The following PCDHA2 variants were observed in gnomAD, a reference collection of about 807,000 sequenced individuals.
The protein encoded by PCDHA2 is protocadherin alpha 2.
Under a neutral mutation model 66.0 loss-of-function variants are expected in PCDHA2, and 58 were observed. The observed-to-expected ratio is 0.88, with a 90% CI of 0.71 to 1.09. The LOEUF is 1.09. PCDHA2 is among the 50% of genes least tolerant of loss of function. The pLI is 0.00. For missense variants in PCDHA2, 1,267 were observed against 1,242.3 expected (o/e 1.02, Z -0.30); for synonymous variants, 634 against 554.0 (o/e 1.14, Z -2.03).
chr5:140,866,893 A>G (rs961620387), intron 1 of PCDHA2: 1 of 152,138 alleles, frequency 6.6e-6, no homozygotes, highest in Admixed American at 6.5e-5. Context: ...ATACCCAGAT[A>G]TTAGGCTGAT....
chr5:140,988,152 C>G (rs2153871090), intron 3 of PCDHA2, among the ~76,000 whole-genome samples: 1 of 152,258 alleles, frequency 6.6e-6, no homozygotes, highest in East Asian at 1.9e-4. Flanking sequence ...ACCTCAACTT[C>G]TGCCGTTGTC....
intron 1 of PCDHA2, among the ~76,000 whole-genome samples, chr5:140,846,515 C>T (rs2150391789): frequency 6.8e-6 from 1 of 147,842 alleles, no homozygotes; most frequent in Non-Finnish European, 1.5e-5. Flanking sequence ...GCTGGGATTA[C>T]AGGTGCATGC....
intron 1 of PCDHA2, chr5:140,969,250 C>T (rs1554231631): frequency 6.2e-7 from 1 of 1,614,216 alleles, no homozygotes; most frequent in Admixed American, 1.7e-5. Flanking sequence ...CAGTGACTGA[C>T]AGCAGGAATC....
Position 140,802,932 on chromosome 5 carries a change from G to A in PCDHA2, c.2388+5580G>A, listed in dbSNP as rs1554122453. On this transcript the variant is annotated intron_variant, in intron 1 of 3. Coordinates refer to ENST00000526136, the MANE Select transcript of PCDHA2 (RefSeq NM_018905.3). The stretch of plus-strand genomic sequence containing the variant: ...GGGTGGCATCGGTGGCGCAGTGAGC[G>A]AGCTGGTGCCGCGGTCAGTGGGTGC... 2 of 1,613,830 alleles carry A rather than the reference G, an allele frequency of 1.2e-6. No homozygotes were observed. The highest frequency in any genetic ancestry group is 1.7e-6 in the Non-Finnish European group (2 of 1,179,890).
intron 1 of PCDHA2, chr5:140,824,611 T>TG (rs1768217259): frequency 5.0e-5 from 1 of 19,836 alleles, no homozygotes; most frequent in Non-Finnish European, 1.2e-4. Context: ...CTAATTAAAG[T>TG]TTTTTTTTTT....
At chr5:140,834,761 T>G (rs1265880924) in intron 1 of PCDHA2, 6 of 1,613,900 alleles carry the variant, frequency 3.7e-6, no homozygotes, top group Non-Finnish European at 5.1e-6. Flanking sequence ...TGAAGGACAT[T>G]AACGACAACC....
At chr5:140,809,921 C>G (rs1554125382) in intron 1 of PCDHA2, 1 of 174,240 alleles carries the variant, frequency 5.7e-6, no homozygotes, top group African/African-American at 2.4e-5. Flanking sequence ...AATAATAAAG[C>G]TCCATAAATT....
chr5:140,849,845 C>G (rs2150453241), intron 1 of PCDHA2: 1 of 1,598,630 alleles, frequency 6.3e-7, no homozygotes, highest in East Asian at 2.2e-5. Context: ...ACGTGAACGA[C>G]AACGCACCAG....
intron 1 of PCDHA2, among the ~76,000 whole-genome samples, chr5:140,820,691 T>C (rs1379555443): frequency 1.3e-5 from 2 of 152,116 alleles, no homozygotes; most frequent in Non-Finnish European, 2.9e-5. Context: ...AATAAAATGA[T>C]ATTCTTTTCA....
intron 3 of PCDHA2, among the ~76,000 whole-genome samples, chr5:140,993,386 A>C (rs1435793353): frequency 6.6e-6 from 1 of 151,354 alleles, no homozygotes; most frequent in Non-Finnish European, 1.5e-5. Flanking sequence ...GGGTCCCTGA[A>C]ACTCCATCAT....
intron 1 of PCDHA2, chr5:140,858,828 A>G (rs546423783): frequency 8.8e-5 from 29 of 330,376 alleles, no homozygotes; most frequent in Middle Eastern, 1.8e-3. Flanking sequence ...TATTTGCATT[A>G]CCAAAAAATT....
chr5:140,834,392 C>T (rs2150216428), intron 1 of PCDHA2: 20 of 1,595,562 alleles, frequency 1.3e-5, no homozygotes, highest in Non-Finnish European at 6.0e-6. Context: ...AAATGGTGTG[C>T]CCGAATGGAT....
chr5:140,857,649 T>G, intron 1 of PCDHA2: 1 of 1,596,586 alleles, frequency 6.3e-7, no homozygotes, highest in Non-Finnish European at 8.6e-7. Context: ...CAGTTCCAGG[T>G]GAGCGCGCGC....
rs2150165886 is a variant in PCDHA2 at position 140,829,324 on chromosome 5, T to C, written c.2388+31972T>C. 2.5e-4 allele frequency: 408 copies of C among 1,614,140 alleles called. 1 individual carries two copies. Among genetic ancestry groups the C allele is most frequent in the African/African-American group, 5.3e-4 (40 of 75,068 alleles). ...ATTACTACTCGTTGGTGCTGGACAG[T>C]GCCCTGGACCGCGAGAGCGTGTCGG... On this transcript the variant is annotated intron_variant, in intron 1 of 3. Transcript: ENST00000526136.
At chr5:140,941,210 T>TCTTCCTTTCTTTCTTC (rs2092851427) in intron 1 of PCDHA2, among the ~76,000 whole-genome samples, 1 of 100,630 alleles carries the variant, frequency 9.9e-6, no homozygotes, top group South Asian at 2.9e-4. Context: ...TTCCTTTCTT[T>TCTTCCTTTCTTTCTTC]CTTCCTTTCT....
chr5:140,978,915 A>T, intron 1 of PCDHA2, 34 bp from the exon 2 acceptor site: 3 of 1,613,970 alleles, frequency 1.9e-6, no homozygotes, highest in Non-Finnish European at 2.5e-6. Flanking sequence ...TTGTCTTGTC[A>T]TTTTAACAGA....
intron 1 of PCDHA2, among the ~76,000 whole-genome samples, chr5:140,948,219 T>G (rs1285446038): frequency 6.6e-6 from 1 of 151,682 alleles, no homozygotes; most frequent in Non-Finnish European, 1.5e-5. Context: ...CAAACATTGT[T>G]AGATTTAACT....
rs184346855 is a variant in PCDHA2 at position 140,854,945 on chromosome 5, A to C, written c.2388+57593A>C. 2.0e-5 allele frequency among the ~76,000 whole-genome samples: 3 copies of C among 150,054 alleles called. 1 individual carries two copies. Among genetic ancestry groups the C allele is most frequent in the African/African-American group, 7.3e-5 (3 of 41,022 alleles). ...TTTGCCTCTGAAAGCAGAAATAATA[A>C]ATTTCTTAATTACTTTATTCAGAAT... On this transcript the variant is annotated intron_variant, in intron 1 of 3. Transcript: ENST00000526136.
intron 1 of PCDHA2, among the ~76,000 whole-genome samples, chr5:140,942,439 A>C (rs1554214983): frequency 6.6e-6 from 1 of 152,200 alleles, no homozygotes; most frequent in Non-Finnish European, 1.5e-5. Context: ...AACAATAAAC[A>C]AGTAAACTAT....
Sources: allele counts gnomAD v4.1 joint callset (sites outside exome capture counted in the v4.1 genomes callset), GRCh38; gene constraint gnomAD v4.1.1; transcripts MANE v1.5; gene names NCBI Gene and HGNC (gene_info 2026-07-23, HGNC 2026-07-21).